Variants in CSF2RA observed in about 807,000 individuals in gnomAD.
The protein encoded by CSF2RA is granulocyte-macrophage colony-stimulating factor receptor subunit alpha.
In CSF2RA, 42 loss-of-function variants were observed where a neutral mutation model predicts 51.6. The ratio of observed to expected loss-of-function variants is 0.81; its 90% confidence interval spans 0.64 to 1.05. CSF2RA has a LOEUF of 1.05. Ranked by LOEUF, CSF2RA falls within the 50% of genes least tolerant of loss-of-function variation. The pLI is 0.00. For synonymous variants in CSF2RA, 222 were observed against 193.0 expected (o/e 1.15, Z -1.24); for missense variants, 530 against 501.1 (o/e 1.06, Z -0.55).
At chrX:1,295,365 C>T (rs1207068616) in intron 8 of CSF2RA, 62 bp from the exon 9 acceptor site, 5 of 1,592,970 alleles carry the variant, frequency 3.1e-6, no homozygotes, top group East Asian at 4.5e-5. Context: ...CTGTGTGAAC[C>T]ATCTACAGTG....
At chrX:1,314,875 GCACC>G (rs2084470601), downstream of CSF2RA, among the ~76,000 whole-genome samples, 10 of 71,904 alleles carry the variant, frequency 1.4e-4, 1 homozygote, top group Admixed American at 4.4e-4. Flanking sequence ...CAACCGCACT[GCACC>G]TGCCCAACCA....
At chrX:1,305,672 C>T in intron 12 of CSF2RA, 145 bp downstream of exon 12, 2 of 1,592,498 alleles carry the variant, frequency 1.3e-6, no homozygotes, top group Non-Finnish European at 1.7e-6. Context: ...ATCTGTATCC[C>T]ACTCCTGGGC....
Position 1,295,816 on chromosome X carries a change from C to T in CSF2RA, c.810+360C>T, listed in dbSNP as rs1189203079. On this transcript the variant is annotated intron_variant, in intron 9 of 12. Coordinates refer to ENST00000381529, the MANE Select transcript of CSF2RA (RefSeq NM_172245.4). ...CCCGTGTAGACAGGAAGAGACCCTG[C>T]CCCACGTCCACCTAGCTTAATCCTA... is the stretch of plus-strand genomic sequence containing the variant. Among the ~76,000 whole-genome samples, 30 of 143,658 alleles carry T rather than the reference C, an allele frequency of 2.1e-4. No individual in the cohort carries two copies. In the South Asian group the frequency reaches 6.1e-3, roughly 29 times the overall value. 94.2% of individuals were successfully genotyped at this position (143,658 alleles called of 152,430 possible). A position where few individuals can be genotyped will look rare whatever the true frequency, so the allele number is the denominator to read the frequency against.
chrX:1,273,057 T>C (rs2148028952), intron 1 of CSF2RA, among the ~76,000 whole-genome samples: 1 of 151,758 alleles, frequency 6.6e-6, no homozygotes, highest in Non-Finnish European at 1.5e-5. Flanking sequence ...TGACCTCAAG[T>C]GATCCACACG....
chrX:1,273,398 G>A (rs757652112), intron 1 of CSF2RA, among the ~76,000 whole-genome samples: 7 of 151,992 alleles, frequency 4.6e-5, no homozygotes, highest in East Asian at 1.9e-4. Context: ...TGCAACCTCC[G>A]TCTTCTAGGT....
downstream of CSF2RA, chrX:1,310,123 C>CT (rs1385005320): frequency 3.8e-6 from 1 of 262,966 alleles, no homozygotes; most frequent in African/African-American, 2.3e-5. Flanking sequence ...TGAGTTCAAG[C>CT]TGACAGTAAG....
chrX:1,285,971 G>A (rs1253568658), intron 4 of CSF2RA, 51 bp downstream of exon 4: 1 of 1,612,876 alleles, frequency 6.2e-7, no homozygotes. Flanking sequence ...ACCCCTTTCT[G>A]AGTTAAAAGC....
In CSF2RA at chrX:1,300,437, C is replaced by G; in HGVS notation, c.811-54C>G. ...AAGACAAAAGAACGAAAAAAGGCAA[C>G]CTTTTCCTCCACACAGAAGACGCCT... On this transcript the variant is annotated intron_variant, in intron 9 of 12. Transcript: ENST00000381529. The G allele has an allele frequency of 2.5e-6, 4 of 1,604,400 alleles. No homozygotes were observed. In the South Asian group the frequency reaches 3.4e-5, roughly 14 times the overall value.
intron 8 of CSF2RA, among the ~76,000 whole-genome samples, chrX:1,294,961 A>AG (rs2091786501): frequency 2.6e-5 from 1 of 38,376 alleles, no homozygotes; most frequent in African/African-American, 1.0e-4. Flanking sequence ...GTAGACAGGG[A>AG]GAGAGACTGC....
intron 7 of CSF2RA, among the ~76,000 whole-genome samples, chrX:1,293,014 C>T (rs770623472): frequency 6.6e-6 from 1 of 152,224 alleles, no homozygotes; most frequent in East Asian, 1.9e-4. Context: ...TGGAGAATGG[C>T]GATGACTTTT....
At chrX:1,315,013 T>C (rs2084511382), downstream of CSF2RA, among the ~76,000 whole-genome samples, 1 of 132,940 alleles carries the variant, frequency 7.5e-6, no homozygotes, top group African/African-American at 2.7e-5. Flanking sequence ...CCACTGCACC[T>C]GCCCAACCAC....
chrX:1,301,074 A>G (rs2092334214), intron 10 of CSF2RA, among the ~76,000 whole-genome samples: 1 of 151,356 alleles, frequency 6.6e-6, no homozygotes, highest in South Asian at 2.1e-4. Flanking sequence ...AATCACTTGA[A>G]CCCAGGAGGC....
At chrX:1,285,360 C>T (rs2090508631) in intron 3 of CSF2RA, among the ~76,000 whole-genome samples, 1 of 152,086 alleles carries the variant, frequency 6.6e-6, no homozygotes, top group African/African-American at 2.4e-5. Context: ...CAGCAGGCTT[C>T]AGCCCTGAAC....
chrX:1,286,452 C>G lies in CSF2RA; in HGVS notation c.219+532C>G, dbSNP rs1187104476. ...GGCATGGTGGCAGGCATCTGTAATC[C>G]CAGCTACTCGGGAGGCTGAGGCAGG... On this transcript the variant is annotated intron_variant, in intron 4 of 12. Transcript: ENST00000381529. 4.4e-5 allele frequency among the ~76,000 whole-genome samples: 6 copies of G among 137,210 alleles called. No individual in the cohort carries two copies. The East Asian group carries it at 8.2e-4, about 19-fold the overall frequency. 90.0% of individuals were successfully genotyped at this position (137,210 alleles called of 152,430 possible). A position where few individuals can be genotyped will look rare whatever the true frequency, so the allele number is the denominator to read the frequency against.
At chrX:1,269,630 AG>A (rs60211799) in intron 1 of CSF2RA, among the ~76,000 whole-genome samples, 44,386 of 115,276 alleles carry the variant, frequency 0.39, 8,089 homozygotes, top group East Asian at 0.68. Flanking sequence ...CTCAAAAAAA[AG>A]AAAAAGAAAA....
At chrX:1,311,803 C>T (rs1380555478), downstream of CSF2RA, among the ~76,000 whole-genome samples, 8 of 152,226 alleles carry the variant, frequency 5.3e-5, no homozygotes, top group East Asian at 1.5e-3. Flanking sequence ...CAACACAAAA[C>T]AGACTAAGAC....
At chrX:1,282,373 C>T (rs1336282482) in intron 2 of CSF2RA, 1 of 489,520 alleles carries the variant, frequency 2.0e-6, no homozygotes, top group Non-Finnish European at 3.7e-6. Context: ...GTGTTAGAAC[C>T]TGCCTTTAGT....
chrX:1,290,177 T>C (rs1239462048), intron 6 of CSF2RA, among the ~76,000 whole-genome samples, 160 bp from the exon 7 acceptor site: 4 of 151,926 alleles, frequency 2.6e-5, no homozygotes, highest in African/African-American at 9.7e-5. Context: ...TTGTTTTGTG[T>C]TTTGTGTTTT....
At position 1,303,961 on chromosome X, in the gene CSF2RA, G is replaced by A; in HGVS notation, c.985G>A (p.Val329Met). 2.5e-6 allele frequency: 4 copies of A among 1,613,472 alleles called. No individual in the cohort carries two copies. The highest frequency in any genetic ancestry group is 2.5e-6 in the Non-Finnish European group (3 of 1,179,814). ...DGNLGSVYIYVLLIVGTLVCG... is the reference protein window; with the variant it reads ...DGNLGSVYIYMLLIVGTLVCG... ...GAACCTCGGCTCTGTGTACATTTAT[G>A]TGCTCCTAATCGTGGGAACCCTTGT... Residue 329 changes from valine to methionine, a missense_variant, in exon 11 of 13, where the codon GTG becomes ATG. Coordinates refer to ENST00000381529, the MANE Select transcript of CSF2RA (RefSeq NM_172245.4).
Sources: gnomAD v4.1 joint callset for allele counts (sites outside exome capture counted in the v4.1 genomes callset) on GRCh38, gnomAD v4.1.1 for gene constraint, MANE v1.5 for transcripts, NCBI Gene and HGNC (gene_info 2026-07-23, HGNC 2026-07-21) for gene names.